Variants in CELF4 observed in about 807,000 individuals in gnomAD.
CELF4 encodes the protein CUGBP Elav-like family member 4.
A neutral mutation model predicts 59.9 loss-of-function variants in CELF4; 18 were observed. That is an observed-to-expected ratio of 0.30 (90% CI 0.21 to 0.45). CELF4 has a LOEUF of 0.45. Among genes scored for constraint, CELF4 ranks in the 20% least tolerant of loss-of-function variants. The pLI is 1.00. For synonymous variants in CELF4, 261 were observed against 267.1 expected (o/e 0.98, Z 0.22); for missense variants, 456 against 689.0 (o/e 0.66, Z 3.79).
intron 10 of CELF4, among the ~76,000 whole-genome samples, chr18:37,260,452 G>A (rs2154302556): frequency 6.6e-6 from 1 of 152,324 alleles, no homozygotes; most frequent in Non-Finnish European, 1.5e-5. Context: ...TGGTGGGAAT[G>A]GGAAGGAACC....
intron 3 of CELF4, among the ~76,000 whole-genome samples, chr18:37,279,042 C>T (rs1011431518): frequency 5.9e-5 from 9 of 151,920 alleles, no homozygotes; most frequent in African/African-American, 2.2e-4. Context: ...CCTCCTCCTC[C>T]ATCCACACAG....
intron 2 of CELF4, among the ~76,000 whole-genome samples, chr18:37,331,026 T>G (rs1438198889): frequency 6.6e-6 from 1 of 152,062 alleles, no homozygotes; most frequent in African/African-American, 2.4e-5. Context: ...TTTAATAAAT[T>G]TGGTCTCTGC....
intron 2 of CELF4, among the ~76,000 whole-genome samples, chr18:37,431,660 C>T (rs1254968639): frequency 1.3e-5 from 2 of 152,220 alleles, no homozygotes; most frequent in African/African-American, 4.8e-5. Context: ...TGAGCCACTG[C>T]ACCTGGCCCT....
Position 37,244,159 on chromosome 18 carries a change from T to A in CELF4, c.*1083A>T, listed in dbSNP as rs1279268985. ...CTTCTATAGGTTTTTTTTTTCCTTT[T>A]TTATTTTTTTTTTTTATTTTTTGCT... On this transcript the variant is annotated 3_prime_UTR_variant, in exon 13 of 13. Transcript: ENST00000420428. 9.5e-6 allele frequency: 1 copy of A among 104,900 alleles called. No homozygotes were observed. Among genetic ancestry groups the A allele is most frequent in the Non-Finnish European group, 2.3e-5 (1 of 43,278 alleles). The allele number at this position is 104,900 out of a possible 1,614,324, so 6.5% of individuals were successfully genotyped here. A position where few individuals can be genotyped will look rare whatever the true frequency, so the allele number is the denominator to read the frequency against.
intron 2 of CELF4, among the ~76,000 whole-genome samples, chr18:37,478,257 C>A (rs2099856130): frequency 6.6e-6 from 1 of 152,200 alleles, no homozygotes; most frequent in Non-Finnish European, 1.5e-5. Context: ...CAGGGAGGGT[C>A]CGGGCTCATT....
chr18:37,520,430 C>T (rs959234916), intron 1 of CELF4, among the ~76,000 whole-genome samples: 1 of 152,218 alleles, frequency 6.6e-6, no homozygotes, highest in Non-Finnish European at 1.5e-5. Flanking sequence ...TTTGACCAAG[C>T]TTTGCACTAT....
rs1209219219 is a variant in CELF4, at chr18:37,403,555, C to T, written c.370-81674G>A. Reference sequence around the variant, plus strand: ...TGTGACTCCGTGTGACAGCATGTGGCGAGGGGGTGGTGGGTGTGTGTGCTG... The same window carrying T: ...TGTGACTCCGTGTGACAGCATGTGGTGAGGGGGTGGTGGGTGTGTGTGCTG... On this transcript the variant is annotated intron_variant, in intron 2 of 12. Coordinates refer to ENST00000420428, the MANE Select transcript of CELF4 (RefSeq NM_020180.4). Among the ~76,000 whole-genome samples, 14 of 152,096 alleles carry T rather than the reference C, an allele frequency of 9.2e-5. No individual in the cohort carries two copies. The East Asian group carries it at 1.6e-3, about 17-fold the overall frequency.
At chr18:37,312,024 T>C (rs1189676295) in intron 3 of CELF4, among the ~76,000 whole-genome samples, 1 of 138,188 alleles carries the variant, frequency 7.2e-6, no homozygotes, top group Admixed American at 8.0e-5. Context: ...GGCAGGAGAA[T>C]GGCATGAACC....
intron 2 of CELF4, among the ~76,000 whole-genome samples, chr18:37,338,526 C>T (rs1021019717): frequency 6.6e-6 from 1 of 152,114 alleles, no homozygotes; most frequent in Non-Finnish European, 1.5e-5. Flanking sequence ...ATTCTGGGTG[C>T]TGGGGTGGCG....
chr18:37,483,244 A>T (rs1342435679), intron 2 of CELF4, among the ~76,000 whole-genome samples: 1 of 152,142 alleles, frequency 6.6e-6, no homozygotes, highest in Non-Finnish European at 1.5e-5. Context: ...AAACAACTCT[A>T]CTTTAAAGAA....
At chr18:37,305,106 TG>T (rs2096309800) in intron 3 of CELF4, among the ~76,000 whole-genome samples, 1 of 152,142 alleles carries the variant, frequency 6.6e-6, no homozygotes, top group Admixed American at 6.5e-5. Flanking sequence ...AGTGCAACAC[TG>T]GGCTACAGTG....
At chr18:37,387,570 C>A (rs1490210815) in intron 2 of CELF4, among the ~76,000 whole-genome samples, 1 of 152,198 alleles carries the variant, frequency 6.6e-6, no homozygotes, top group African/African-American at 2.4e-5. Flanking sequence ...CTTCTTCCAA[C>A]TCCTTTGGAC....
rs2092060144 is a variant in CELF4 at position 37,273,032 on chromosome 18, AG to A, written c.932del (p.Pro311LeufsTer2). 6.2e-7 allele frequency: 1 copy of A among 1,610,788 alleles called. No homozygotes were observed. Among genetic ancestry groups the A allele is most frequent in the African/African-American group, 1.3e-5 (1 of 74,878 alleles). ...ALNMNGLAAA[P>X]MTPTSGGSTP... ...CCAGCTCACCTGAGGTTGGGGTCAT[AG>A]GTGCGGCCGCCAGGCCATTCATGTT... is the stretch of plus-strand genomic sequence containing the variant. On this transcript the variant is annotated frameshift_variant, in exon 7 of 13. Transcript: ENST00000420428. LOFTEE classifies it high-confidence loss of function.
intron 2 of CELF4, among the ~76,000 whole-genome samples, chr18:37,458,963 A>T (rs1396209401): frequency 6.6e-6 from 1 of 152,154 alleles, no homozygotes; most frequent in Non-Finnish European, 1.5e-5. Context: ...AGTATCCACA[A>T]AGCTTGTTGC....
chr18:37,405,094 C>A (rs528282472), intron 2 of CELF4, among the ~76,000 whole-genome samples: 249 of 152,342 alleles, frequency 1.6e-3, no homozygotes, highest in African/African-American at 5.6e-3. Flanking sequence ...AGGCCCCAAC[C>A]CCCCCCGTGT....
chr18:37,354,962 C>T (rs2098538747), intron 2 of CELF4, among the ~76,000 whole-genome samples: 1 of 152,234 alleles, frequency 6.6e-6, no homozygotes, highest in African/African-American at 2.4e-5. Context: ...TGGTTTTCAG[C>T]AGCTCTTTCT....
intron 1 of CELF4, among the ~76,000 whole-genome samples, chr18:37,507,814 GC>G (rs1187414057): frequency 6.6e-6 from 1 of 152,120 alleles, no homozygotes; most frequent in East Asian, 1.9e-4. Flanking sequence ...AGGGCCCAGG[GC>G]CCCTCACATT....
intron 2 of CELF4, among the ~76,000 whole-genome samples, chr18:37,397,559 G>C (rs1302524193): frequency 6.6e-6 from 1 of 152,182 alleles, no homozygotes; most frequent in African/African-American, 2.4e-5. Context: ...CATGGGTGGG[G>C]AGGGATGGAG....
chr18:37,563,840 C>T (rs1262100630), intron 1 of CELF4, among the ~76,000 whole-genome samples: 5 of 152,138 alleles, frequency 3.3e-5, no homozygotes, highest in Non-Finnish European at 7.3e-5. Context: ...GATACTAAAG[C>T]CAATAAAAAC....
Sources: allele counts gnomAD v4.1 joint callset (sites outside exome capture counted in the v4.1 genomes callset), GRCh38; gene constraint gnomAD v4.1.1; transcripts MANE v1.5; gene names NCBI Gene and HGNC (gene_info 2026-07-23, HGNC 2026-07-21).